The following CDKAL1 variants were observed in gnomAD, a reference collection of about 807,000 sequenced individuals.
CDKAL1 encodes threonylcarbamoyladenosine tRNA methylthiotransferase.
In CDKAL1, 32 loss-of-function variants were observed where a neutral mutation model predicts 68.2. The observed-to-expected ratio is 0.47, with a 90% confidence interval of 0.35 to 0.63. The LOEUF is 0.63. Ranked by LOEUF, CDKAL1 falls within the 30% of genes least tolerant of loss-of-function variation. The probability of loss-of-function intolerance (pLI) is 0.00; values close to 1 mark genes in which losing one functional copy is unlikely to be tolerated. For missense variants in CDKAL1, 606 were observed against 696.7 expected (o/e 0.87, Z 1.47); for synonymous variants, 234 against 244.3 (o/e 0.96, Z 0.39).
intron 8 of CDKAL1, among the ~76,000 whole-genome samples, chr6:20,787,926 T>G (rs1211381855): frequency 6.6e-6 from 1 of 152,222 alleles, no homozygotes; most frequent in Non-Finnish European, 1.5e-5. Flanking sequence ...ATATATAGTT[T>G]GAGAAACACT....
chr6:20,833,329 C>T (rs183374140), intron 8 of CDKAL1, among the ~76,000 whole-genome samples: 16 of 152,264 alleles, frequency 1.1e-4, no homozygotes, highest in Middle Eastern at 3.4e-3. Flanking sequence ...CTGTAGTTCG[C>T]ACCTTTTGCT....
chr6:21,125,608 G>A (rs954510592), intron 13 of CDKAL1, among the ~76,000 whole-genome samples: 2 of 152,170 alleles, frequency 1.3e-5, no homozygotes, highest in African/African-American at 4.8e-5. Flanking sequence ...GCGGGGGTGG[G>A]GCGGAGGTTG....
intron 13 of CDKAL1, among the ~76,000 whole-genome samples, chr6:21,125,711 T>G (rs1000462352): frequency 1.3e-5 from 2 of 152,072 alleles, no homozygotes; most frequent in Non-Finnish European, 2.9e-5. Context: ...AAAAACCTCT[T>G]TATAAATTAC....
intron 15 of CDKAL1, among the ~76,000 whole-genome samples, chr6:21,221,707 A>G (rs1779545345): frequency 6.6e-6 from 1 of 152,230 alleles, no homozygotes; most frequent in Non-Finnish European, 1.5e-5. Flanking sequence ...TGAGCTATCA[A>G]ACAATTTTTT....
intron 13 of CDKAL1, among the ~76,000 whole-genome samples, chr6:21,127,391 G>A (rs557010547): frequency 6.6e-6 from 1 of 152,150 alleles, no homozygotes; most frequent in Non-Finnish European, 1.5e-5. Context: ...GAACCATGTT[G>A]GACCTTGTTG....
chr6:20,906,685 A>G (rs891543342), intron 9 of CDKAL1, among the ~76,000 whole-genome samples: 1 of 152,224 alleles, frequency 6.6e-6, no homozygotes, highest in African/African-American at 2.4e-5. Flanking sequence ...CCATTTGTAT[A>G]CAAAAGGAAA....
rs141508688 is a variant in CDKAL1, at chr6:20,554,451, C to T, written c.286+5746C>T. On this transcript the variant is annotated intron_variant, in intron 4 of 15. Transcript: ENST00000274695. ...TTCAGTGTGCTCATTGGTGGCAAATCTTCATATCTTGAGAATACATTTAGT... is the reference window on the plus strand; with the variant it reads ...TTCAGTGTGCTCATTGGTGGCAAATTTTCATATCTTGAGAATACATTTAGT... 1.9e-3 allele frequency among the ~76,000 whole-genome samples: 282 copies of T among 152,264 alleles called. 1 individual carries two copies. The highest frequency in any genetic ancestry group is 6.6e-3 in the African/African-American group (274 of 41,544).
chr6:20,626,528 T>G (rs1344810436), intron 4 of CDKAL1, among the ~76,000 whole-genome samples: 1 of 152,208 alleles, frequency 6.6e-6, no homozygotes, highest in African/African-American at 2.4e-5. Flanking sequence ...AGTATTAGTG[T>G]AATAGTAAAT....
intron 8 of CDKAL1, among the ~76,000 whole-genome samples, chr6:20,798,832 C>T (rs1403249024): frequency 6.7e-6 from 1 of 148,276 alleles, no homozygotes; most frequent in Non-Finnish European, 1.5e-5. Flanking sequence ...TTAATGGGTG[C>T]AGCACACCAA....
chr6:20,540,887 A>G (rs1763364825), intron 2 of CDKAL1, among the ~76,000 whole-genome samples: 3 of 152,202 alleles, frequency 2.0e-5, no homozygotes, highest in Non-Finnish European at 4.4e-5. Context: ...CGTAGTTCAT[A>G]TTTCAAGGCC....
intron 13 of CDKAL1, among the ~76,000 whole-genome samples, chr6:21,139,535 A>G (rs1366563330): frequency 6.6e-6 from 1 of 152,066 alleles, no homozygotes; most frequent in African/African-American, 2.4e-5. Flanking sequence ...TTCCCCTTGA[A>G]ACAGGGTCTC....
At chr6:20,628,278 C>T (rs1423134864) in intron 4 of CDKAL1, among the ~76,000 whole-genome samples, 2 of 151,906 alleles carry the variant, frequency 1.3e-5, no homozygotes, top group Non-Finnish European at 2.9e-5. Flanking sequence ...TTGTCTAGTT[C>T]TAGTTTTTTT....
chr6:20,814,585 C>T (rs1453061215), intron 8 of CDKAL1, among the ~76,000 whole-genome samples: 1 of 152,172 alleles, frequency 6.6e-6, no homozygotes, highest in Non-Finnish European at 1.5e-5. Flanking sequence ...TGACCTTTTT[C>T]TCTGATTGCT....
At chr6:21,030,021 G>A (rs1481091198) in intron 11 of CDKAL1, among the ~76,000 whole-genome samples, 1 of 152,084 alleles carries the variant, frequency 6.6e-6, no homozygotes, top group East Asian at 1.9e-4. Flanking sequence ...AAGACAAATG[G>A]CCACATATAC....
intron 10 of CDKAL1, among the ~76,000 whole-genome samples, chr6:20,976,792 A>G (rs1030432655): frequency 1.3e-5 from 2 of 152,200 alleles, no homozygotes; most frequent in African/African-American, 4.8e-5. Flanking sequence ...TATTTTGCCC[A>G]ACAGAATGTC....
intron 9 of CDKAL1, among the ~76,000 whole-genome samples, chr6:20,855,546 A>G (rs7761330): frequency 0.037 from 5,618 of 151,802 alleles, 341 homozygotes; most frequent in African/African-American, 0.12. Context: ...TACAAAGTAT[A>G]CTACTCACTG....
chr6:20,792,363 ATGTATG>A (rs1426556647), intron 8 of CDKAL1, among the ~76,000 whole-genome samples: 2 of 152,206 alleles, frequency 1.3e-5, no homozygotes, highest in African/African-American at 4.8e-5. Flanking sequence ...TTTTTAAACA[ATGTATG>A]TACCTTTGTG....
chr6:21,032,183 G>C (rs185309983), intron 11 of CDKAL1, among the ~76,000 whole-genome samples: 5 of 152,054 alleles, frequency 3.3e-5, no homozygotes, highest in African/African-American at 9.7e-5. Context: ...GGCTATTTTA[G>C]TTTCTCTATA....
At chr6:20,887,846 TG>T (rs1299589523) in intron 9 of CDKAL1, among the ~76,000 whole-genome samples, 4 of 151,074 alleles carry the variant, frequency 2.6e-5, no homozygotes, top group Non-Finnish European at 4.4e-5. Context: ...TAGAGTGGTA[TG>T]ATCATAGCTC....
Sources: allele counts gnomAD v4.1 joint callset (sites outside exome capture counted in the v4.1 genomes callset), GRCh38; gene constraint gnomAD v4.1.1; transcripts MANE v1.5; gene names NCBI Gene and HGNC (gene_info 2026-07-23, HGNC 2026-07-21).